The following CA10 variants were observed in gnomAD, a reference collection of about 807,000 sequenced individuals.
CA10 encodes carbonic anhydrase 10 (inactive).
A neutral mutation model predicts 44.2 loss-of-function variants in CA10; 14 were observed. That is an observed-to-expected ratio of 0.32 (90% CI 0.21 to 0.50). The LOEUF is 0.50. CA10 is among the 20% of genes least tolerant of loss of function. The pLI is 0.99. For synonymous variants in CA10, 159 were observed against 141.6 expected (o/e 1.12, Z -0.87); for missense variants, 350 against 409.7 (o/e 0.85, Z 1.26).
At chr17:51,799,077 C>A (rs1010579646) in intron 3 of CA10, among the ~76,000 whole-genome samples, 1 of 152,156 alleles carries the variant, frequency 6.6e-6, no homozygotes, top group African/African-American at 2.4e-5. Flanking sequence ...GCTACTTGGT[C>A]AAAGGAGTGT....
In CA10 at chr17:51,635,947, T is replaced by G; in HGVS notation, c.697A>C (p.Ile233Leu). 2 of 1,609,878 alleles carry G rather than the reference T, an allele frequency of 1.2e-6. No homozygotes were observed. Among genetic ancestry groups the G allele is most frequent in the Non-Finnish European group, 1.7e-6 (2 of 1,176,938 alleles). The change falls in exon 7 of 9, where the codon ATC becomes CTC. Residue 233 changes from isoleucine (I) to leucine (L), a missense_variant. Ile to Leu is a conservative substitution (Grantham distance 5, BLOSUM62 2). Transcript: ENST00000451037. ...ATAGTCATCGACCCATCGTAAGTGA[T>G]GAAACTAGAGGTCTCTGGATATAGT... ...EELYPETSSF[I>L]TYDGSMTIPP...
intron 3 of CA10, among the ~76,000 whole-genome samples, chr17:51,809,319 C>T (rs369839181): frequency 1.3e-5 from 2 of 152,164 alleles, no homozygotes; most frequent in South Asian, 4.1e-4. Context: ...GTGTTCAATG[C>T]TGGGGTTACA....
At chr17:51,658,230 C>CA (rs1913871284) in intron 4 of CA10, among the ~76,000 whole-genome samples, 1 of 152,182 alleles carries the variant, frequency 6.6e-6, no homozygotes, top group African/African-American at 2.4e-5. Flanking sequence ...CAATCCTTTA[C>CA]ATGGGCCTGG....
At chr17:51,879,969 G>A (rs1430731166) in intron 3 of CA10, among the ~76,000 whole-genome samples, 2 of 152,190 alleles carry the variant, frequency 1.3e-5, no homozygotes, top group Admixed American at 1.3e-4. Flanking sequence ...CCAAGGGTTA[G>A]CCAATTCCTA....
At chr17:51,863,244 G>A (rs1979393989) in intron 3 of CA10, among the ~76,000 whole-genome samples, 3 of 152,204 alleles carry the variant, frequency 2.0e-5, no homozygotes, top group Admixed American at 1.3e-4. Flanking sequence ...GATAGGACAA[G>A]GATGAATCTG....
chr17:51,990,794 A>G (rs577257372), intron 2 of CA10, among the ~76,000 whole-genome samples: 1 of 152,224 alleles, frequency 6.6e-6, no homozygotes, highest in African/African-American at 2.4e-5. Flanking sequence ...TGGGTAGGGA[A>G]GTTCTTTGTA....
chr17:51,927,791 T>A (rs1449910955), intron 3 of CA10, among the ~76,000 whole-genome samples: 2 of 152,184 alleles, frequency 1.3e-5, no homozygotes, highest in African/African-American at 4.8e-5. Flanking sequence ...TATATCATAA[T>A]CAAACTTCTT....
At chr17:51,945,656 A>G (rs1983245436) in intron 2 of CA10, among the ~76,000 whole-genome samples, 1 of 152,032 alleles carries the variant, frequency 6.6e-6, no homozygotes, top group African/African-American at 2.4e-5. Context: ...TCAGAATAAA[A>G]CCACTTAGTA....
intron 4 of CA10, among the ~76,000 whole-genome samples, chr17:51,682,812 C>G (rs1914888507): frequency 6.6e-6 from 1 of 152,130 alleles, no homozygotes; most frequent in Admixed American, 6.5e-5. Flanking sequence ...AGAAGGGAAA[C>G]CTGACGTTGA....
At chr17:51,788,898 G>A (rs913668304) in intron 3 of CA10, among the ~76,000 whole-genome samples, 26 of 152,196 alleles carry the variant, frequency 1.7e-4, no homozygotes, top group African/African-American at 5.8e-4. Flanking sequence ...CCTCTAGATA[G>A]AATGTACACC....
At chr17:51,636,665 G>C (rs1597953315) in intron 6 of CA10, among the ~76,000 whole-genome samples, 1 of 152,196 alleles carries the variant, frequency 6.6e-6, no homozygotes, top group South Asian at 2.1e-4. Flanking sequence ...AAATTCACCT[G>C]GTGACCATTC....
chr17:51,903,338 A>C (rs12150424), intron 3 of CA10, among the ~76,000 whole-genome samples: 18,711 of 152,084 alleles, frequency 0.12, 1,715 homozygotes, highest in African/African-American at 0.26. Context: ...TATTGCTTAT[A>C]TCCTTTATTG....
chr17:52,125,886 G>A lies in CA10; in HGVS notation c.61+31840C>T, dbSNP rs936427662. The stretch of plus-strand genomic sequence containing the variant: ...ATTGTTTGAGGGTGACTGATGTGGT[G>A]GAAAGAATGCTGGATGGGGTGCTAG... On this transcript the variant is annotated intron_variant, in intron 1 of 8. Coordinates refer to ENST00000451037, the MANE Select transcript of CA10 (RefSeq NM_020178.5). 4.6e-5 allele frequency among the ~76,000 whole-genome samples: 7 copies of A among 152,180 alleles called. No individual in the cohort carries two copies. In the South Asian group the frequency reaches 1.2e-3, roughly 27 times the overall value.
intron 4 of CA10, among the ~76,000 whole-genome samples, chr17:51,695,591 G>C (rs751998060): frequency 6.6e-6 from 1 of 151,884 alleles, no homozygotes; most frequent in Non-Finnish European, 1.5e-5. Flanking sequence ...GGGTTTTCTA[G>C]GTATCATATC....
At chr17:52,048,105 G>T (rs1401856598) in intron 2 of CA10, among the ~76,000 whole-genome samples, 1 of 151,386 alleles carries the variant, frequency 6.6e-6, no homozygotes, top group African/African-American at 2.4e-5. Flanking sequence ...AAGGCAGTTT[G>T]CTGAGAGCCA....
chr17:52,003,354 C>A (rs944982612), intron 2 of CA10, among the ~76,000 whole-genome samples: 3 of 151,856 alleles, frequency 2.0e-5, no homozygotes, highest in Non-Finnish European at 4.4e-5. Context: ...TCCCATAATA[C>A]CTTATCATCT....
chr17:51,944,020 A>G (rs1023107066), intron 2 of CA10, among the ~76,000 whole-genome samples: 19 of 151,990 alleles, frequency 1.3e-4, no homozygotes, highest in African/African-American at 4.6e-4. Context: ...ATTGCTCTCA[A>G]TTTTCTCCAC....
intron 2 of CA10, among the ~76,000 whole-genome samples, chr17:51,954,404 C>T (rs778952820): frequency 7.2e-5 from 11 of 152,166 alleles, no homozygotes; most frequent in Non-Finnish European, 1.5e-4. Flanking sequence ...CACTTCTTTG[C>T]ACTCAGCAGA....
intron 4 of CA10, among the ~76,000 whole-genome samples, chr17:51,713,730 G>T (rs979008687): frequency 4.6e-5 from 7 of 152,128 alleles, no homozygotes; most frequent in Admixed American, 4.6e-4. Context: ...GGCCCTGGGG[G>T]GCACCAATCC....
Sources: gnomAD v4.1 joint callset for allele counts (sites outside exome capture counted in the v4.1 genomes callset) on GRCh38, gnomAD v4.1.1 for gene constraint, MANE v1.5 for transcripts, NCBI Gene and HGNC (gene_info 2026-07-23, HGNC 2026-07-21) for gene names.